Variants in SCUBE3 observed in about 807,000 individuals in gnomAD.
SCUBE3 encodes the protein signal peptide, CUB and EGF-like domain-containing protein 3.
A neutral mutation model predicts 116.8 loss-of-function variants in SCUBE3; 33 were observed. That is an observed-to-expected ratio of 0.28 (90% confidence interval 0.21 to 0.38). SCUBE3 has a LOEUF of 0.38. SCUBE3 is among the 10% of genes least tolerant of loss of function. SCUBE3 has a pLI of 1.00. For synonymous variants in SCUBE3, 418 were observed against 496.9 expected (o/e 0.84, Z 2.11); for missense variants, 1,007 against 1,324.8 (o/e 0.76, Z 3.72).
chr6:35,241,900 C>A lies in SCUBE3; in HGVS notation c.1407C>A (p.Asn469Lys). 3.7e-6 allele frequency: 6 copies of A among 1,607,072 alleles called. No homozygotes were observed. Among genetic ancestry groups the A allele is most frequent in the Non-Finnish European group, 4.2e-6 (5 of 1,177,650 alleles). ...ACAATGGGAACAGCACCAACTCCAA[C>A]CACTGCCATGGTAAGCACCAGCCCA... ...AGHNGNSTNS[N>K]HCHEAAVLSI... The change falls in exon 12 of 22, where the codon AAC becomes AAA. Residue 469 changes from asparagine to lysine, a missense_variant. Asn to Lys is a moderately conservative substitution (Grantham distance 94). Transcript: ENST00000274938. The surrounding 1 kb of genome is among the most constrained non-coding windows in gnomAD (Gnocchi z 4.1).
Position 35,231,872 on chromosome 6 carries a change from C to G in SCUBE3, c.469+13C>G, listed in dbSNP as rs781039507. 1 of 1,598,934 alleles carries G rather than the reference C, an allele frequency of 6.3e-7. No homozygotes were observed. The highest frequency in any genetic ancestry group is 8.6e-7 in the Non-Finnish European group (1 of 1,168,644). On this transcript the variant is annotated intron_variant, in intron 4 of 21. Transcript: ENST00000274938. The surrounding 1 kb of genome is among the most constrained non-coding windows in gnomAD (Gnocchi z 4.2). The stretch of plus-strand genomic sequence containing the variant: ...CAGCGGCCAGAAGGTCAGCCCATGA[C>G]CTGGGATGGCCCCATCCCTGCCCTC...
chr6:35,247,914 C>T (rs1255800561), intron 21 of SCUBE3, among the ~76,000 whole-genome samples: 1 of 152,156 alleles, frequency 6.6e-6, no homozygotes, highest in East Asian at 1.9e-4. Context: ...GGTAAAAGGG[C>T]TCCCCATTAG....
In SCUBE3 at chr6:35,237,980, T is replaced by C; in HGVS notation, c.791T>C (p.Val264Ala). 1.9e-6 allele frequency: 3 copies of C among 1,611,496 alleles called. No individual in the cohort carries two copies. The highest frequency in any genetic ancestry group is 2.5e-6 in the Non-Finnish European group (3 of 1,177,768). Residue 264 changes from valine to alanine, a missense_variant, in exon 7 of 22, where the codon GTG becomes GCG. Physicochemically the swap from Val to Ala is moderately conservative, Grantham distance 64. Around this residue, in one of 5 missense-constraint regions of SCUBE3, gnomAD observed 214 missense variants for 316.7 expected, o/e 0.68. Coordinates refer to ENST00000274938, the MANE Select transcript of SCUBE3 (RefSeq NM_152753.4). ...ACTGGTGTCCACTGCACCTGCCCTG[T>C]GGGCTTCATGCTGCAGCCAGACAGG... ...AATGVHCTCP[V>A]GFMLQPDRKT...
chr6:35,243,447 C>T lies in SCUBE3; in HGVS notation c.1910-147C>T. ...TCCTCCTGCACACGGTTTTGACCCT[C>T]CTATCCCCCCAAGTAGGATTGTGTT... On this transcript the variant is annotated intron_variant, in intron 15 of 21. Coordinates refer to ENST00000274938, the MANE Select transcript of SCUBE3 (RefSeq NM_152753.4). This position sits in a 1 kb window ranked among gnomAD's most constrained non-coding sequence, Gnocchi z 6.6. 2.2e-6 allele frequency: 2 copies of T among 890,966 alleles called. No individual in the cohort carries two copies. The highest frequency in any genetic ancestry group is 3.4e-6 in the Non-Finnish European group (2 of 585,132). 55.2% of individuals were successfully genotyped at this position (890,966 alleles called of 1,614,324 possible).
rs528739971 is a variant in SCUBE3 at position 35,253,000 on chromosome 6, T to C, written c.*4295T>C. 14 of 152,200 alleles carry C rather than the reference T, an allele frequency of 9.2e-5. No individual in the cohort carries two copies. The highest frequency in any genetic ancestry group is 1.6e-4 in the Non-Finnish European group (11 of 68,032). The allele number at this position is 152,200 out of a possible 1,614,324, so 9.4% of individuals were successfully genotyped here. A position where few individuals can be genotyped will look rare whatever the true frequency, so the allele number is the denominator to read the frequency against. ...AGTATTTTGCACTTGGGGAAAAATA[T>C]GTATCTGAATTGTAAAAAGAAATGT... On this transcript the variant is annotated 3_prime_UTR_variant, in exon 22 of 22. Transcript: ENST00000274938.
At chr6:35,226,480 CTTTTTTTT>C (rs764779695) in intron 1 of SCUBE3, among the ~76,000 whole-genome samples, 5 of 85,204 alleles carry the variant, frequency 5.9e-5, no homozygotes, top group East Asian at 5.0e-4. Flanking sequence ...TTTCTATGTC[CTTTTTTTT>C]TTTTTTTTTT....
Position 35,240,512 on chromosome 6 carries a change from C to A in SCUBE3, c.1069+22C>A. ...GGGGGTAAGCTAGTAAGCTTGCACC[C>A]CCAGCCACCCTGGCCCCCTCACCTC... is the stretch of plus-strand genomic sequence containing the variant. On this transcript the variant is annotated intron_variant, in intron 9 of 21. Transcript: ENST00000274938. The surrounding 1 kb of genome is among the most constrained non-coding windows in gnomAD (Gnocchi z 4.6). 1 of 1,305,584 alleles carries A rather than the reference C, an allele frequency of 7.7e-7. No individual in the cohort carries two copies. The highest frequency in any genetic ancestry group is 1.1e-6 in the Non-Finnish European group (1 of 915,394). 80.9% of individuals were successfully genotyped at this position (1,305,584 alleles called of 1,614,324 possible). A position where few individuals can be genotyped will look rare whatever the true frequency, so the allele number is the denominator to read the frequency against.
intron 6 of SCUBE3, among the ~76,000 whole-genome samples, chr6:35,234,765 A>C (rs1355206659): frequency 4.6e-5 from 7 of 152,176 alleles, no homozygotes; most frequent in Admixed American, 4.6e-4. Context: ...TCCCTCTCTG[A>C]TTTATTTCTG....
At position 35,245,849 on chromosome 6, in the gene SCUBE3, C is replaced by T; in HGVS notation, c.2600-95C>T. On this transcript the variant is annotated intron_variant, in intron 19 of 21. Coordinates refer to ENST00000274938, the MANE Select transcript of SCUBE3 (RefSeq NM_152753.4). The surrounding 1 kb of genome is among the most constrained non-coding windows in gnomAD (Gnocchi z 4.2). Reference sequence around the variant, plus strand: ...AGCCTTTGTCAGAATGATTCTCTTGCCCTATACCCCCACCACCAGCTGTAC... The same window carrying T: ...AGCCTTTGTCAGAATGATTCTCTTGTCCTATACCCCCACCACCAGCTGTAC... The T allele has an allele frequency of 7.7e-7, 1 of 1,296,874 alleles. No homozygotes were observed. Among genetic ancestry groups the T allele is most frequent in the Non-Finnish European group, 1.1e-6 (1 of 919,720 alleles). 80.3% of individuals were successfully genotyped at this position (1,296,874 alleles called of 1,614,324 possible).
At position 35,239,578 on chromosome 6, in the gene SCUBE3, A is replaced by AAG. The variant is rs996848717; in HGVS notation, c.830-162_830-161dup. 3.3e-5 allele frequency among the ~76,000 whole-genome samples: 5 copies of AAG among 152,168 alleles called. 1 individual carries two copies. In the South Asian group the frequency reaches 8.3e-4, roughly 25 times the overall value. On this transcript the variant is annotated intron_variant, in intron 7 of 21. Transcript: ENST00000274938. The surrounding 1 kb of genome is among the most constrained non-coding windows in gnomAD (Gnocchi z 4.1). ...GAACAGGGAAGAAACAGAGACAGGA[A>AAG]AGAGAGAGAGAGACAGGAAAGAGAA...
chr6:35,238,485 TAGG>T (rs1783875557), intron 7 of SCUBE3, among the ~76,000 whole-genome samples: 2 of 152,134 alleles, frequency 1.3e-5, no homozygotes, highest in African/African-American at 2.4e-5. Context: ...GGATACTAGT[TAGG>T]AGGACTGAAG....
At position 35,248,849 on chromosome 6, in the gene SCUBE3, T is replaced by TC. The variant is rs1051062985; in HGVS notation, c.*147dup. ...ATATCACTACACAAACCAGGCACTC[T>TC]CCCTTTCTGTCTTTCTAGTTTCCTT... On this transcript the variant is annotated 3_prime_UTR_variant, in exon 22 of 22. Coordinates refer to ENST00000274938, the MANE Select transcript of SCUBE3 (RefSeq NM_152753.4). 1 of 652,868 alleles carries TC rather than the reference T, an allele frequency of 1.5e-6. No individual in the cohort carries two copies. Among genetic ancestry groups the TC allele is most frequent in the African/African-American group, 1.8e-5 (1 of 55,132 alleles). 40.4% of individuals were successfully genotyped at this position (652,868 alleles called of 1,614,324 possible).
At position 35,241,973 on chromosome 6, in the gene SCUBE3, T is replaced by G. The variant is rs1784083674; in HGVS notation, c.1417+63T>G. The G allele has an allele frequency of 8.3e-7, 1 of 1,207,660 alleles. No homozygotes were observed. The highest frequency in any genetic ancestry group is 1.2e-6 in the Non-Finnish European group (1 of 819,090). The allele number at this position is 1,207,660 out of a possible 1,614,324, so 74.8% of individuals were successfully genotyped here. ...CTCTTACATTAATCCCTTATTTTTG[T>G]TCTTCATCAATCCCCTGGCCTTCCT... On this transcript the variant is annotated intron_variant, in intron 12 of 21. Transcript: ENST00000274938. This position sits in a 1 kb window ranked among gnomAD's most constrained non-coding sequence, Gnocchi z 4.1.
At chr6:35,224,293 G>A (rs1278166227) in intron 1 of SCUBE3, 5 of 152,190 alleles carry the variant, frequency 3.3e-5, no homozygotes, top group Admixed American at 3.3e-4. Flanking sequence ...AGGGAGAGGG[G>A]TTAGTTAGAT....
chr6:35,232,168 T>C lies in SCUBE3; in HGVS notation c.469+309T>C, dbSNP rs1361562887. Among the ~76,000 whole-genome samples, 1 of 152,194 alleles carries C rather than the reference T, an allele frequency of 6.6e-6. No individual in the cohort carries two copies. Among genetic ancestry groups the C allele is most frequent in the Non-Finnish European group, 1.5e-5 (1 of 68,036 alleles). ...GGCTGAGCTTCTCTAAGCTGCTGCC[T>C]ATCTGAGAGGGCCTCACCATATCTT... On this transcript the variant is annotated intron_variant, in intron 4 of 21. Transcript: ENST00000274938. This position sits in a 1 kb window ranked among gnomAD's most constrained non-coding sequence, Gnocchi z 4.2.
Position 35,241,337 on chromosome 6 carries a change from T to C in SCUBE3, c.1195+71T>C, listed in dbSNP as rs1784035074. The C allele has an allele frequency of 6.7e-6, 10 of 1,501,996 alleles. No homozygotes were observed. The highest frequency in any genetic ancestry group is 1.8e-5 in the Admixed American group (1 of 55,574). The allele number at this position is 1,501,996 out of a possible 1,614,324, so 93.0% of individuals were successfully genotyped here. On this transcript the variant is annotated intron_variant, in intron 10 of 21. Transcript: ENST00000274938. The surrounding 1 kb of genome is among the most constrained non-coding windows in gnomAD (Gnocchi z 4.1). ...GGAGCAGTTGGGGTTCTGGAAAGCATAGAGTATCACATTGGGGAAAGGTGT... is the reference window on the plus strand; with the variant it reads ...GGAGCAGTTGGGGTTCTGGAAAGCACAGAGTATCACATTGGGGAAAGGTGT...
chr6:35,225,957 G>C (rs1320854423), intron 1 of SCUBE3, among the ~76,000 whole-genome samples: 1 of 152,208 alleles, frequency 6.6e-6, no homozygotes, highest in Non-Finnish European at 1.5e-5. Flanking sequence ...TCTGTGCTCA[G>C]TTGTGGGATC....
Position 35,244,654 on chromosome 6 carries a change from G to A in SCUBE3, c.2244G>A (p.Gln748=). The part of the protein sequence containing the change: ...ISFQDCDTKV[Q]CSPGHYYNTS... The stretch of plus-strand genomic sequence containing the variant: ...GCCCTTCTCCCTTGCCTACAGTCCA[G>A]TGCTCCCCAGGGCACTACTACAACA... The change falls in exon 18 of 22, where the codon CAG becomes CAA. Residue 748 remains glutamine, a synonymous_variant. Coordinates refer to ENST00000274938, the MANE Select transcript of SCUBE3 (RefSeq NM_152753.4). This position sits in a 1 kb window ranked among gnomAD's most constrained non-coding sequence, Gnocchi z 4.3. The A allele has an allele frequency of 6.2e-7, 1 of 1,614,022 alleles. No homozygotes were observed. Among genetic ancestry groups the A allele is most frequent in the East Asian group, 2.2e-5 (1 of 44,884 alleles).
In SCUBE3 at chr6:35,233,135, T is replaced by C. The variant is rs760358393; in HGVS notation, c.596-50T>C. The C allele has an allele frequency of 1.3e-5, 19 of 1,514,486 alleles. No homozygotes were observed. The highest frequency in any genetic ancestry group is 1.7e-5 in the Non-Finnish European group (19 of 1,092,658). The allele number at this position is 1,514,486 out of a possible 1,614,324, so 93.8% of individuals were successfully genotyped here. On this transcript the variant is annotated intron_variant, in intron 5 of 21. Transcript: ENST00000274938. This position sits in a 1 kb window ranked among gnomAD's most constrained non-coding sequence, Gnocchi z 5.7. ...CCAGTACCCACATTGTGGAAAACTGTGGATGCAGGGAGGAGCAAGCTGACA... is the reference window on the plus strand; with the variant it reads ...CCAGTACCCACATTGTGGAAAACTGCGGATGCAGGGAGGAGCAAGCTGACA...
Sources: allele counts gnomAD v4.1 joint callset (sites outside exome capture counted in the v4.1 genomes callset), GRCh38; gene constraint gnomAD v4.1.1; regional missense constraint gnomAD v4.1.1; non-coding constraint Gnocchi (gnomAD v3.1); transcripts MANE v1.5; gene names NCBI Gene and HGNC (gene_info 2026-07-23, HGNC 2026-07-21).